The following VGLL3 variants were observed in gnomAD, a reference collection of about 807,000 sequenced individuals.
VGLL3 encodes the protein transcription cofactor vestigial-like protein 3.
In VGLL3, 18 loss-of-function variants were observed where a neutral mutation model predicts 29.2. The observed-to-expected ratio is 0.62, with a 90% CI of 0.43 to 0.91. The LOEUF (loss-of-function observed/expected upper bound fraction) is 0.91. Ranked by LOEUF, VGLL3 falls within the 40% of genes least tolerant of loss-of-function variation. The pLI, the probability that VGLL3 is intolerant of heterozygous loss-of-function variation, is 0.00. For synonymous variants in VGLL3, 180 were observed against 151.8 expected (o/e 1.19, Z -1.36); for missense variants, 440 against 413.2 (o/e 1.06, Z -0.56).
At chr3:86,988,449 T>C (rs748053909) in intron 1 of VGLL3, among the ~76,000 whole-genome samples, 2 of 151,552 alleles carry the variant, frequency 1.3e-5, no homozygotes, top group Non-Finnish European at 2.9e-5. Context: ...TTAGTCCCAC[T>C]TCACCCACGC....
chr3:86,983,657 G>C (rs1292415058), intron 1 of VGLL3, among the ~76,000 whole-genome samples: 1 of 152,080 alleles, frequency 6.6e-6, no homozygotes, highest in African/African-American at 2.4e-5. Context: ...GAAGTGTTGG[G>C]ATTACAGGCA....
chr3:86,947,034 G>C lies in VGLL3; in HGVS notation c.971C>G (p.Pro324Arg), dbSNP rs771931924. 1.3e-6 allele frequency: 1 copy of C among 780,436 alleles called. No individual in the cohort carries two copies. The highest frequency in any genetic ancestry group is 2.3e-4 in the Middle Eastern group (1 of 4,442). 48.3% of individuals were successfully genotyped at this position (780,436 alleles called of 1,614,324 possible). A position where few individuals can be genotyped will look rare whatever the true frequency, so the allele number is the denominator to read the frequency against. ...LQHQDKSKES[P>R]WY ...CTAAGATTGTGTGTTTCAGTACCAC[G>C]GTGATTCCTTACTCTTGTCTTGATG... Residue 324 changes from proline to arginine, a missense_variant, in exon 4 of 4, where the codon CCG becomes CGG. Physicochemically the swap from Pro to Arg is moderately radical, Grantham distance 103 (BLOSUM62 -2). Coordinates refer to ENST00000398399, the MANE Select transcript of VGLL3 (RefSeq NM_016206.4).
At chr3:86,979,844 T>TG (rs915204861) in intron 1 of VGLL3, among the ~76,000 whole-genome samples, 74 of 152,206 alleles carry the variant, frequency 4.9e-4, no homozygotes, top group African/African-American at 1.8e-3. Context: ...TGCATACATT[T>TG]GGTGGGGAAA....
intron 3 of VGLL3, among the ~76,000 whole-genome samples, chr3:86,955,903 C>T (rs1266552180): frequency 6.6e-6 from 1 of 152,194 alleles, no homozygotes; most frequent in African/African-American, 2.4e-5. Flanking sequence ...GCATATCAGA[C>T]TGTAACCCAA....
At chr3:86,949,964 AG>A (rs912830408) in intron 3 of VGLL3, among the ~76,000 whole-genome samples, 2 of 152,086 alleles carry the variant, frequency 1.3e-5, no homozygotes, top group African/African-American at 4.8e-5. Flanking sequence ...GTGAGGGTGG[AG>A]GGGGGCAAAA....
At chr3:86,956,007 T>G (rs1704714771) in intron 3 of VGLL3, among the ~76,000 whole-genome samples, 1 of 152,212 alleles carries the variant, frequency 6.6e-6, no homozygotes, top group Admixed American at 6.5e-5. Flanking sequence ...TTGTGAAACC[T>G]TATATTACTG....
chr3:86,987,069 T>G (rs1705457795), intron 1 of VGLL3, among the ~76,000 whole-genome samples: 1 of 152,280 alleles, frequency 6.6e-6, no homozygotes, highest in African/African-American at 2.4e-5. Context: ...AAATTTCATG[T>G]CATTGTACAA....
chr3:86,954,842 T>G (rs1374531776), intron 3 of VGLL3, among the ~76,000 whole-genome samples: 1 of 149,260 alleles, frequency 6.7e-6, no homozygotes, highest in African/African-American at 2.5e-5. Flanking sequence ...GAAAATGAAA[T>G]GGAATACTCT....
In VGLL3 at chr3:86,961,912, TA is replaced by T. The variant is rs758147094; in HGVS notation, c.937+6677del. The T allele has an allele frequency of 4.1e-6, 4 of 977,496 alleles. 1 individual carries two copies. Among genetic ancestry groups the T allele is most frequent in the East Asian group, 1.1e-4 (1 of 8,762 alleles). 60.6% of individuals were successfully genotyped at this position (977,496 alleles called of 1,614,324 possible). ...AAACAATCTCCTGCTAAACACAATT[TA>T]AAATGCTTTTTTACTGAAGAATATA... is the stretch of plus-strand genomic sequence containing the variant. On this transcript the variant is annotated intron_variant, in intron 3 of 3. Coordinates refer to ENST00000398399, the MANE Select transcript of VGLL3 (RefSeq NM_016206.4).
At chr3:86,952,819 A>T (rs1032715386) in intron 3 of VGLL3, among the ~76,000 whole-genome samples, 2 of 152,226 alleles carry the variant, frequency 1.3e-5, no homozygotes, top group African/African-American at 4.8e-5. Flanking sequence ...CTTCACCAGC[A>T]AATTGACAGC....
At chr3:86,963,815 A>G (rs910066430) in intron 3 of VGLL3, among the ~76,000 whole-genome samples, 1 of 152,220 alleles carries the variant, frequency 6.6e-6, no homozygotes, top group African/African-American at 2.4e-5. Flanking sequence ...TTCTTTTGTA[A>G]GTGGCAGAGC....
At chr3:86,981,648 T>A (rs1705326269) in intron 1 of VGLL3, among the ~76,000 whole-genome samples, 1 of 151,902 alleles carries the variant, frequency 6.6e-6, no homozygotes, top group Non-Finnish European at 1.5e-5. Context: ...TTTCTTTTTA[T>A]CTCTCTCGAT....
In VGLL3 at chr3:86,978,719, C is replaced by A. The variant is rs1410804379; in HGVS notation, c.210G>T (p.Glu70Asp). The A allele has an allele frequency of 6.2e-7, 1 of 1,614,068 alleles. No homozygotes were observed. ...PSKQEEEDEE[E>D]EEEEKDQPAE... ...CAGGCTGGTCTTTCTCCTCCTCCTCCTCCTCCTCATCCTCCTCCTCTTGTT... is the reference window on the plus strand; with the variant it reads ...CAGGCTGGTCTTTCTCCTCCTCCTCATCCTCCTCATCCTCCTCCTCTTGTT... Residue 70 changes from glutamate to aspartate, a missense_variant, in exon 2 of 4, where the codon GAG becomes GAT. By Grantham distance (45) the Glu-to-Asp change is conservative (BLOSUM62 2). Transcript: ENST00000398399.
intron 1 of VGLL3, among the ~76,000 whole-genome samples, chr3:86,989,734 C>A (rs543240942): frequency 6.6e-6 from 1 of 152,210 alleles, no homozygotes; most frequent in East Asian, 1.9e-4. Context: ...TTTGGTACAG[C>A]CCTTGCCACA....
intron 3 of VGLL3, among the ~76,000 whole-genome samples, chr3:86,954,622 GT>G (rs562711864): frequency 4.2e-4 from 64 of 151,998 alleles, no homozygotes; most frequent in African/African-American, 1.4e-3. Context: ...GAGTTAGGTA[GT>G]TTTTTTTATC....
intron 1 of VGLL3, among the ~76,000 whole-genome samples, chr3:86,985,674 T>C (rs1705425653): frequency 6.6e-6 from 1 of 152,150 alleles, no homozygotes; most frequent in South Asian, 2.1e-4. Flanking sequence ...TAAAGAGATG[T>C]GTTTTGAAAG....
chr3:86,990,300 A>G, intron 1 of VGLL3: 1 of 985,214 alleles, frequency 1.0e-6, no homozygotes, highest in Non-Finnish European at 1.2e-6. Context: ...GTTTACTCAC[A>G]TGGTCCTAAG....
intron 3 of VGLL3, among the ~76,000 whole-genome samples, chr3:86,952,080 A>G (rs1474998495): frequency 2.0e-5 from 3 of 152,196 alleles, no homozygotes; most frequent in African/African-American, 7.2e-5. Flanking sequence ...TCAACTGGAC[A>G]GTTTTTAACT....
At position 86,990,859 on chromosome 3, in the gene VGLL3, C is replaced by T; in HGVS notation, c.-116G>A. ...GCCTCTGTCGCTGCTCCAGCTGCTACTGCGGCGAAGGCGGGTCCTCGGCGG... is the reference window on the plus strand; with the variant it reads ...GCCTCTGTCGCTGCTCCAGCTGCTATTGCGGCGAAGGCGGGTCCTCGGCGG... On this transcript the variant is annotated 5_prime_UTR_variant, in exon 1 of 4. Transcript: ENST00000398399. 1 of 1,161,994 alleles carries T rather than the reference C, an allele frequency of 8.6e-7. No homozygotes were observed. Among genetic ancestry groups the T allele is most frequent in the Non-Finnish European group, 1.1e-6 (1 of 935,346 alleles). The allele number at this position is 1,161,994 out of a possible 1,614,324, so 72.0% of individuals were successfully genotyped here. A position where few individuals can be genotyped will look rare whatever the true frequency, so the allele number is the denominator to read the frequency against.
Sources: gnomAD v4.1 joint callset for allele counts (sites outside exome capture counted in the v4.1 genomes callset) on GRCh38, gnomAD v4.1.1 for gene constraint, MANE v1.5 for transcripts, NCBI Gene and HGNC (gene_info 2026-07-23, HGNC 2026-07-21) for gene names.